The following FRMPD4 variants were observed in gnomAD, a reference collection of about 807,000 sequenced individuals.
The protein encoded by FRMPD4 is FERM and PDZ domain-containing protein 4.
Under a neutral mutation model 94.1 loss-of-function variants are expected in FRMPD4, and 22 were observed. The ratio of observed to expected loss-of-function variants is 0.23; its 90% confidence interval spans 0.17 to 0.33. The LOEUF is 0.33. FRMPD4 is among the 10% of genes least tolerant of loss of function. The pLI, the probability that FRMPD4 is intolerant of heterozygous loss-of-function variation, is 1.00. For missense variants in FRMPD4, 1,111 were observed against 1,339.9 expected (o/e 0.83, Z 2.67); for synonymous variants, 631 against 548.6 (o/e 1.15, Z -2.10).
intron 1 of FRMPD4, among the ~76,000 whole-genome samples, chrX:12,382,757 A>G (rs935404724): frequency 9.0e-6 from 1 of 111,063 alleles, no homozygotes; most frequent in Non-Finnish European, 1.9e-5. Flanking sequence ...TCCCCTATCT[A>G]TCATCTCTCA....
chrX:12,246,364 C>T (rs962210599), intron 1 of FRMPD4, among the ~76,000 whole-genome samples: 2 of 111,789 alleles, frequency 1.8e-5, no homozygotes, highest in Non-Finnish European at 3.8e-5. Context: ...GTTACCTTTG[C>T]GTGCTCTTAG....
At chrX:12,442,258 T>C (rs971863266) in intron 1 of FRMPD4, among the ~76,000 whole-genome samples, 1 of 111,854 alleles carries the variant, frequency 8.9e-6, no homozygotes, top group South Asian at 3.7e-4. Flanking sequence ...GCTGTTTGCC[T>C]CAGGCTGTGA....
intron 3 of FRMPD4, among the ~76,000 whole-genome samples, chrX:11,929,375 T>A (rs757534818): frequency 8.9e-6 from 1 of 112,591 alleles, no homozygotes; most frequent in Admixed American, 9.4e-5. Context: ...TCTGCATGAT[T>A]GCCTGTTCTC....
At chrX:12,662,840 T>C (rs1263572340) in intron 4 of FRMPD4, among the ~76,000 whole-genome samples, 1 of 112,626 alleles carries the variant, frequency 8.9e-6, no homozygotes, top group African/African-American at 3.2e-5. Flanking sequence ...CATGCCTATT[T>C]CTCCACATCC....
chrX:11,916,554 T>G (rs2054026094), intron 3 of FRMPD4, among the ~76,000 whole-genome samples: 1 of 110,216 alleles, frequency 9.1e-6, no homozygotes. Flanking sequence ...AAAGAGGGGA[T>G]TCAAAGATTT....
At position 11,847,837 on chromosome X, in the gene FRMPD4, A is replaced by T. The variant is rs1045426147; in HGVS notation, c.-160-17249A>T. ...CATAGGTGGAAATTGAACAATGAGA[A>T]CACATGGACACAGGAAGGGGAACAT... On this transcript the variant is annotated intron_variant, in intron 1 of 18. Transcript: ENST00000640291. Among the ~76,000 whole-genome samples, 24 of 88,683 alleles carry T rather than the reference A, an allele frequency of 2.7e-4. 1 individual carries two copies. In the Admixed American group the frequency reaches 2.8e-3, roughly 10 times the overall value. The allele number at this position is 88,683 out of a possible 115,157, so 77.0% of individuals were successfully genotyped here.
intron 2 of FRMPD4, among the ~76,000 whole-genome samples, chrX:12,570,058 T>C (rs1205359681): frequency 8.9e-6 from 1 of 112,195 alleles, no homozygotes; most frequent in Admixed American, 9.4e-5. Flanking sequence ...CTTCATTAAT[T>C]GAATAACTTT....
chrX:12,533,846 G>A (rs960030761), intron 2 of FRMPD4, among the ~76,000 whole-genome samples: 7 of 112,407 alleles, frequency 6.2e-5, no homozygotes, highest in Non-Finnish European at 1.1e-4. Flanking sequence ...TCAAAAATTT[G>A]CAGCCTGACA....
chrX:12,473,111 TCTCTCGGCAGAAA>T (rs2057538183), intron 1 of FRMPD4, among the ~76,000 whole-genome samples: 2 of 110,843 alleles, frequency 1.8e-5, no homozygotes, highest in South Asian at 3.7e-4. Flanking sequence ...TAACAGCTGA[TCTCTCGGCAGAAA>T]CTCTACAAGC....
Position 12,720,544 on chromosome X carries a change from G to A in FRMPD4, c.3975G>A (p.Glu1325=), listed in dbSNP as rs770689077. 2 of 1,207,638 alleles carry A rather than the reference G, an allele frequency of 1.7e-6. No individual in the cohort carries two copies. The highest frequency in any genetic ancestry group is 1.7e-5 in the African/African-American group (1 of 57,533). ...PKIKETTALT[E]PGKERRGGMP... ...CTACCCCTAGTGTAGCTTTGACAGAGCCTGGGAAGGAGAGACGAGGAGGCA... is the reference window on the plus strand; with the variant it reads ...CTACCCCTAGTGTAGCTTTGACAGAACCTGGGAAGGAGAGACGAGGAGGCA... Residue 1325 remains glutamate (E), a synonymous_variant, in exon 17 of 17, where the codon GAG becomes GAA. Transcript: ENST00000675598.
intron 1 of FRMPD4, among the ~76,000 whole-genome samples, chrX:12,184,900 A>C (rs1027853221): frequency 1.8e-5 from 2 of 111,420 alleles, no homozygotes; most frequent in Non-Finnish European, 3.8e-5. Flanking sequence ...AAAAATAGTT[A>C]GAAGGAATGA....
chrX:12,053,428 A>AAGAG (rs1201796564), intron 3 of FRMPD4, among the ~76,000 whole-genome samples: 7 of 93,194 alleles, frequency 7.5e-5, no homozygotes, highest in South Asian at 5.1e-4. Flanking sequence ...GAAAGAAAGA[A>AAGAG]AGAGAAAGAA....
chrX:12,704,494 T>C lies in FRMPD4; in HGVS notation c.1197+9T>C. On this transcript the variant is annotated intron_variant, in intron 11 of 16. Transcript: ENST00000675598. ...TACCACCGGGTAAAAAGGTATCACA[T>C]TTCCATCTTAAAAGAAAATTATAAA... 8.9e-7 allele frequency: 1 copy of C among 1,127,716 alleles called. No individual in the cohort carries two copies. The highest frequency in any genetic ancestry group is 1.2e-6 in the Non-Finnish European group (1 of 839,927). 92.9% of individuals were successfully genotyped at this position (1,127,716 alleles called of 1,213,427 possible).
intron 3 of FRMPD4, among the ~76,000 whole-genome samples, chrX:11,900,408 A>G (rs1304615001): frequency 9.0e-6 from 1 of 111,540 alleles, no homozygotes; most frequent in African/African-American, 3.3e-5. Flanking sequence ...ATGTATGGGG[A>G]AGAAGAGAAG....
chrX:12,380,928 G>A (rs887709130), intron 1 of FRMPD4, among the ~76,000 whole-genome samples: 6 of 111,971 alleles, frequency 5.4e-5, no homozygotes, highest in African/African-American at 1.9e-4. Context: ...AGATGATTCA[G>A]AAAAATGTTC....
intron 4 of FRMPD4, among the ~76,000 whole-genome samples, chrX:12,641,861 T>C (rs987000033): frequency 2.7e-5 from 3 of 112,294 alleles, no homozygotes; most frequent in African/African-American, 9.7e-5. Flanking sequence ...GCCACTGAAA[T>C]GCCATTTCAA....
chrX:12,718,650 T>G lies in FRMPD4; in HGVS notation c.3824T>G (p.Phe1275Cys). The G allele has an allele frequency of 8.3e-7, 1 of 1,209,538 alleles. No homozygotes were observed. Among genetic ancestry groups the G allele is most frequent in the Non-Finnish European group, 1.1e-6 (1 of 893,401 alleles). ...GGGCTTCCCAACCACGGAGCCACCTTTAAGGAACTGCACCCACAGACAGAA... is the reference window on the plus strand; with the variant it reads ...GGGCTTCCCAACCACGGAGCCACCTGTAAGGAACTGCACCCACAGACAGAA... ...APGLPNHGAT[F>C]KELHPQTEGM... Residue 1275 changes from phenylalanine to cysteine, a missense_variant, in exon 16 of 17, where the codon TTT becomes TGT. Transcript: ENST00000675598.
intron 3 of FRMPD4, among the ~76,000 whole-genome samples, chrX:12,112,009 C>T (rs1330479011): frequency 1.4e-4 from 16 of 110,388 alleles, no homozygotes; most frequent in Admixed American, 9.6e-5. Flanking sequence ...GACAGTGTGG[C>T]GATTCCTCAA....
intron 1 of FRMPD4, among the ~76,000 whole-genome samples, chrX:12,459,854 C>T (rs1309193961): frequency 8.9e-6 from 1 of 111,796 alleles, no homozygotes; most frequent in Non-Finnish European, 1.9e-5. Context: ...ATATGCTTGA[C>T]TTCATGAGAT....
Sources: allele counts gnomAD v4.1 joint callset (sites outside exome capture counted in the v4.1 genomes callset), GRCh38; gene constraint gnomAD v4.1.1; transcripts MANE v1.5; gene names NCBI Gene and HGNC (gene_info 2026-07-23, HGNC 2026-07-21).